SLC6A11: variants seen among roughly 807,000 people sequenced by gnomAD.
SLC6A11 encodes solute carrier family 6 member 11.
In SLC6A11, 25 loss-of-function variants were observed where a neutral mutation model predicts 74.8. The observed-to-expected ratio is 0.33, with a 90% CI of 0.24 to 0.47. The LOEUF (loss-of-function observed/expected upper bound fraction) is 0.47. Ranked by LOEUF, SLC6A11 falls within the 20% of genes least tolerant of loss-of-function variation. The probability of loss-of-function intolerance (pLI) is 1.00; values close to 1 mark genes in which losing one functional copy is unlikely to be tolerated. For missense variants in SLC6A11, 574 were observed against 837.0 expected, an observed-to-expected ratio of 0.69 and a Z score of 3.88; for synonymous variants, 330 against 330.2, an observed-to-expected ratio of 1.00 and a Z score of 0.01.
chr3:10,835,209 G>A (rs1236360676), intron 4 of SLC6A11, among the ~76,000 whole-genome samples: 2 of 152,166 alleles, frequency 1.3e-5, no homozygotes, highest in Non-Finnish European at 2.9e-5. Context: ...CTTCCCCTCG[G>A]GCACATGTGG....
chr3:10,896,265 A>C (rs1695170327), intron 6 of SLC6A11, among the ~76,000 whole-genome samples: 1 of 152,220 alleles, frequency 6.6e-6, no homozygotes, highest in African/African-American at 2.4e-5. Flanking sequence ...TCTTACCCCA[A>C]GTGGGACCTG....
intron 6 of SLC6A11, among the ~76,000 whole-genome samples, chr3:10,880,060 A>T (rs1255939571): frequency 6.6e-6 from 1 of 152,230 alleles, no homozygotes; most frequent in Admixed American, 6.5e-5. Flanking sequence ...CCAACATCTG[A>T]GGCACAGTGC....
intron 6 of SLC6A11, among the ~76,000 whole-genome samples, chr3:10,904,622 T>G (rs1462838258): frequency 6.6e-6 from 1 of 152,200 alleles, no homozygotes; most frequent in Non-Finnish European, 1.5e-5. Context: ...CTGCTCCCTT[T>G]GTAGCGTCCT....
intron 4 of SLC6A11, among the ~76,000 whole-genome samples, chr3:10,830,852 A>T (rs1694286719): frequency 6.6e-6 from 1 of 152,014 alleles, no homozygotes; most frequent in South Asian, 2.1e-4. Flanking sequence ...CTATTCCTAG[A>T]GTTGTGTGAT....
At chr3:10,835,841 G>T (rs1359295095) in intron 4 of SLC6A11, among the ~76,000 whole-genome samples, 1 of 152,232 alleles carries the variant, frequency 6.6e-6, no homozygotes, top group Admixed American at 6.5e-5. Flanking sequence ...AACAGGGTTG[G>T]GAGGGGGGAG....
At chr3:10,842,046 T>G (rs1472324131) in intron 4 of SLC6A11, among the ~76,000 whole-genome samples, 1 of 152,164 alleles carries the variant, frequency 6.6e-6, no homozygotes, top group Non-Finnish European at 1.5e-5. Context: ...TGGCCGTGTG[T>G]AAGGCAGGGT....
intron 4 of SLC6A11, among the ~76,000 whole-genome samples, chr3:10,838,621 C>T (rs1694397838): frequency 6.6e-6 from 1 of 152,190 alleles, no homozygotes; most frequent in South Asian, 2.1e-4. Flanking sequence ...TGGTGGCAGG[C>T]ACCTGTAGTC....
intron 10 of SLC6A11, 100 bp from the exon 11 acceptor site, chr3:10,933,051 A>G: frequency 1.2e-6 from 1 of 802,190 alleles, no homozygotes; most frequent in South Asian, 1.5e-5. Context: ...AGTGGTAGCC[A>G]CAGAGCAGAG....
At chr3:10,927,692 C>T (rs890810973) in intron 9 of SLC6A11, among the ~76,000 whole-genome samples, 5 of 152,128 alleles carry the variant, frequency 3.3e-5, no homozygotes, top group African/African-American at 7.2e-5. Flanking sequence ...GGAGCAGCTG[C>T]GAGGCCATAG....
intron 6 of SLC6A11, among the ~76,000 whole-genome samples, chr3:10,885,668 T>A (rs1695034426): frequency 6.6e-6 from 1 of 151,308 alleles, no homozygotes; most frequent in Non-Finnish European, 1.5e-5. Context: ...CCCTAGGACA[T>A]GGTTCTTGCT....
intron 4 of SLC6A11, among the ~76,000 whole-genome samples, chr3:10,833,857 G>C: frequency 6.6e-6 from 1 of 152,212 alleles, no homozygotes; most frequent in Non-Finnish European, 1.5e-5. Flanking sequence ...AGCCAGACGG[G>C]TATTTGTATT....
chr3:10,837,382 G>C (rs1467740314), intron 4 of SLC6A11, among the ~76,000 whole-genome samples: 1 of 152,110 alleles, frequency 6.6e-6, no homozygotes, highest in Non-Finnish European at 1.5e-5. Context: ...TGGCTCCCCA[G>C]GGTACTGGCT....
chr3:10,918,788 C>T lies in SLC6A11; in HGVS notation c.1120+335C>T, dbSNP rs1423155195. 6.6e-6 allele frequency among the ~76,000 whole-genome samples: 1 copy of T among 152,172 alleles called. No homozygotes were observed. Among genetic ancestry groups the T allele is most frequent in the African/African-American group, 2.4e-5 (1 of 41,428 alleles). On this transcript the variant is annotated intron_variant, in intron 8 of 13. Coordinates refer to ENST00000254488, the MANE Select transcript of SLC6A11 (RefSeq NM_014229.3). The surrounding 1 kb of genome is among the most constrained non-coding windows in gnomAD (Gnocchi z 4.5). ...AGAAACCTTTCCCTGGACTCTGTGC[C>T]TCTGCTGTTGTCACTTCCACTCCAT...
intron 7 of SLC6A11, among the ~76,000 whole-genome samples, chr3:10,914,722 C>A (rs1695432587): frequency 6.6e-6 from 1 of 152,052 alleles, no homozygotes; most frequent in Admixed American, 6.6e-5. Flanking sequence ...AAATGTTAAC[C>A]ATGGACAGGA....
chr3:10,894,074 C>T (rs1379815570), intron 6 of SLC6A11, among the ~76,000 whole-genome samples: 1 of 152,144 alleles, frequency 6.6e-6, no homozygotes, highest in African/African-American at 2.4e-5. Context: ...GTTGTGGTGG[C>T]CTGCCATCTC....
In SLC6A11 at chr3:10,938,448, G is replaced by A; in HGVS notation, c.*46G>A. 6.5e-7 allele frequency: 1 copy of A among 1,535,562 alleles called. No individual in the cohort carries two copies. Among genetic ancestry groups the A allele is most frequent in the Admixed American group, 1.9e-5 (1 of 52,574 alleles). On this transcript the variant is annotated 3_prime_UTR_variant, in exon 14 of 14. Coordinates refer to ENST00000254488, the MANE Select transcript of SLC6A11 (RefSeq NM_014229.3). The stretch of plus-strand genomic sequence containing the variant: ...GCTCTTCTTCCTTTCTTCCCCCCGT[G>A]TATGTAAATGAATTCCTGAACCCCA...
At chr3:10,933,037 TG>T in intron 10 of SLC6A11, 113 bp from the exon 11 acceptor site, 2 of 734,690 alleles carry the variant, frequency 2.7e-6, no homozygotes, top group Non-Finnish European at 4.9e-6. Context: ...AACAGATTCC[TG>T]GCAGTGGTAG....
At chr3:10,936,544 C>T (rs1695761995) in intron 13 of SLC6A11, among the ~76,000 whole-genome samples, 1 of 128,776 alleles carries the variant, frequency 7.8e-6, no homozygotes, top group African/African-American at 3.1e-5. Flanking sequence ...CACCGAGGGG[C>T]CTGGGCTCCA....
At chr3:10,825,623 C>A (rs1694198830) in intron 4 of SLC6A11, 1 of 152,032 alleles carries the variant, frequency 6.6e-6, no homozygotes, top group Non-Finnish European at 1.5e-5. Context: ...ATTTCCCTAC[C>A]CCAAAGTTGA....
Sources: gnomAD v4.1 joint callset for allele counts (sites outside exome capture counted in the v4.1 genomes callset) on GRCh38, gnomAD v4.1.1 for gene constraint, Gnocchi (gnomAD v3.1) non-coding constraint, MANE v1.5 for transcripts, NCBI Gene and HGNC (gene_info 2026-07-23, HGNC 2026-07-21) for gene names.